The following MICAL2 variants were observed in gnomAD, a reference collection of about 807,000 sequenced individuals.
The protein encoded by MICAL2 is [F-actin]-monooxygenase MICAL2.
MICAL2 carries 77 observed loss-of-function variants against 127.3 expected under a neutral mutation model. The ratio of observed to expected loss-of-function variants is 0.60; its 90% CI spans 0.50 to 0.73. MICAL2 has a LOEUF of 0.73. Among genes scored for constraint, MICAL2 ranks in the 30% least tolerant of loss-of-function variants. The pLI is 0.00. For synonymous variants in MICAL2, 570 were observed against 551.1 expected (o/e 1.03, Z -0.48); for missense variants, 1,351 against 1,434.4 (o/e 0.94, Z 0.94).
At chr11:12,293,907 C>T (rs1436355523), downstream of MICAL2, 1 of 1,611,588 alleles carries the variant, frequency 6.2e-7, no homozygotes, top group South Asian at 1.1e-5. Flanking sequence ...AAAGGGAGTA[C>T]TGGAGCCAGG....
At chr11:12,111,573 C>T (rs1033787617) in intron 1 of MICAL2, among the ~76,000 whole-genome samples, 2 of 152,266 alleles carry the variant, frequency 1.3e-5, no homozygotes, top group Admixed American at 6.5e-5. Flanking sequence ...AGTAGTGTGC[C>T]TCCTTCCACA....
intron 1 of MICAL2, among the ~76,000 whole-genome samples, chr11:12,117,607 C>G (rs1850144728): frequency 6.6e-6 from 1 of 152,198 alleles, no homozygotes; most frequent in African/African-American, 2.4e-5. Context: ...GAGCTGCCCT[C>G]TGAAACAGAG....
intron 29 of MICAL2, among the ~76,000 whole-genome samples, chr11:12,315,752 G>C (rs145807091): frequency 6.6e-6 from 1 of 152,264 alleles, no homozygotes; most frequent in African/African-American, 2.4e-5. Context: ...AATAGGTCAA[G>C]TTGTTTAATA....
chr11:12,223,645 C>T (rs1857080242), intron 12 of MICAL2, 144 bp downstream of exon 12: 2 of 650,298 alleles, frequency 3.1e-6, no homozygotes, highest in Non-Finnish European at 5.4e-6. Flanking sequence ...GGCACCTGTC[C>T]TCTTTGTACT....
chr11:12,349,838 A>G (rs975649487), exon 33 of MICAL2: 1 of 1,614,094 alleles, frequency 6.2e-7, no homozygotes. Flanking sequence ...TCTTAAGCAG[A>G]TTCAGGCACA....
intron 16 of MICAL2, among the ~76,000 whole-genome samples, chr11:12,236,577 C>G (rs985986431): frequency 6.6e-6 from 1 of 152,212 alleles, no homozygotes; most frequent in Non-Finnish European, 1.5e-5. Context: ...TATACAACCA[C>G]TGTTAACAGT....
intron 22 of MICAL2, chr11:12,254,910 A>G (rs1425763872): frequency 2.7e-5 from 3 of 112,328 alleles, no homozygotes; most frequent in Non-Finnish European, 3.7e-5. Flanking sequence ...TACCACCTTA[A>G]CTTTTTTTTT....
intron 34 of MICAL2, among the ~76,000 whole-genome samples, chr11:12,356,305 C>T (rs1222168164): frequency 6.6e-6 from 1 of 152,232 alleles, no homozygotes; most frequent in Non-Finnish European, 1.5e-5. Context: ...TTTACCCCTC[C>T]ATGGTAAACT....
chr11:12,240,040 G>GCTGC (rs1282027994), intron 17 of MICAL2, among the ~76,000 whole-genome samples: 3 of 152,212 alleles, frequency 2.0e-5, no homozygotes, highest in Admixed American at 6.5e-5. Context: ...AGGCTGGCTG[G>GCTGC]CTGGGAAAGT....
chr11:12,218,691 C>A (rs1399864077), intron 8 of MICAL2, among the ~76,000 whole-genome samples: 1 of 152,148 alleles, frequency 6.6e-6, no homozygotes, highest in South Asian at 2.1e-4. Flanking sequence ...TGGGGCCTGA[C>A]AAAGAGCTCT....
rs16910990 is a variant in MICAL2, at chr11:12,283,108, A to G, written c.254+2009A>G. ...TCATTGTTTTATCATTGCTAGGTGG[A>G]CCACATTGTACAGTTAAGCTCTCTG... On this transcript the variant is annotated intron_variant, in intron 2 of 2. Transcript: ENST00000529028. Among the ~76,000 whole-genome samples, 1,363 of 152,304 alleles carry G rather than the reference A, an allele frequency of 8.9e-3. 29 individuals are homozygous for G. Among genetic ancestry groups the G allele is most frequent in the African/African-American group, 0.032 (1,320 of 41,562 alleles).
chr11:12,231,413 G>A (rs1565210835), intron 15 of MICAL2, among the ~76,000 whole-genome samples: 1 of 152,190 alleles, frequency 6.6e-6, no homozygotes, highest in African/African-American at 2.4e-5. Context: ...ATTTTTGTCA[G>A]TGTGTGGTCT....
chr11:12,147,048 C>T (rs915777940), intron 2 of MICAL2, among the ~76,000 whole-genome samples: 22 of 149,608 alleles, frequency 1.5e-4, no homozygotes, highest in African/African-American at 2.2e-4. Context: ...CATCACATAC[C>T]GGGGCCTGTT....
intron 17 of MICAL2, among the ~76,000 whole-genome samples, chr11:12,240,443 A>G (rs1052523829): frequency 6.6e-6 from 1 of 152,240 alleles, no homozygotes; most frequent in South Asian, 2.1e-4. Flanking sequence ...TGAGGCAACC[A>G]TAGATGTCTC....
intron 16 of MICAL2, among the ~76,000 whole-genome samples, chr11:12,237,635 C>T (rs559529836): frequency 1.5e-5 from 2 of 133,266 alleles, no homozygotes; most frequent in African/African-American, 5.0e-5. Context: ...TTGTGTCTAC[C>T]CTTTCTGAGA....
intron 1 of MICAL2, among the ~76,000 whole-genome samples, chr11:12,280,157 A>G (rs1447141129): frequency 1.3e-5 from 2 of 149,436 alleles, no homozygotes; most frequent in East Asian, 2.0e-4. Flanking sequence ...CCCACCCCTC[A>G]CCCCCACCCA....
At chr11:12,148,535 A>G (rs2133696058) in intron 2 of MICAL2, among the ~76,000 whole-genome samples, 1 of 152,262 alleles carries the variant, frequency 6.6e-6, no homozygotes, top group Non-Finnish European at 1.5e-5. Flanking sequence ...AGAGCTGGCC[A>G]GGTCCTGGAT....
chr11:12,294,187 C>T (rs377195845), downstream of MICAL2: 4 of 1,613,944 alleles, frequency 2.5e-6, no homozygotes, highest in Non-Finnish European at 3.4e-6. Flanking sequence ...AGATGGGGAC[C>T]CCTGCGGAAC....
At chr11:12,241,623 C>A (rs1247777790) in intron 18 of MICAL2, among the ~76,000 whole-genome samples, 2 of 152,318 alleles carry the variant, frequency 1.3e-5, no homozygotes, top group Non-Finnish European at 2.9e-5. Flanking sequence ...ACCTGCATAG[C>A]GGGCGGGAAG....
Sources: gnomAD v4.1 joint callset for allele counts (sites outside exome capture counted in the v4.1 genomes callset) on GRCh38, gnomAD v4.1.1 for gene constraint, MANE v1.5 for transcripts, NCBI Gene and HGNC (gene_info 2026-07-23, HGNC 2026-07-21) for gene names.